KPNA6: variants seen among roughly 807,000 people sequenced by gnomAD.
KPNA6 encodes karyopherin subunit alpha 6, also known as importin subunit alpha-7.
KPNA6 carries 9 observed loss-of-function variants against 72.0 expected under a neutral mutation model. That is an observed-to-expected ratio of 0.13 (90% CI 0.08 to 0.22). KPNA6 has a LOEUF of 0.22. Among genes scored for constraint, KPNA6 ranks in the 10% least tolerant of loss-of-function variants. The pLI is 1.00. For missense variants in KPNA6, 374 were observed against 655.7 expected (o/e 0.57, Z 4.69); for synonymous variants, 219 against 242.1 (o/e 0.90, Z 0.89).
chr1:32,147,860 A>C (rs1212507593), intron 1 of KPNA6, among the ~76,000 whole-genome samples: 1 of 149,214 alleles, frequency 6.7e-6, no homozygotes, highest in Non-Finnish European at 1.5e-5. Context: ...GGGTTTTGCC[A>C]TGTTGCCCAG....
At position 32,172,341 on chromosome 1, in the gene KPNA6, C is replaced by G. The variant is rs1166524641; in HGVS notation, c.*1447C>G. On this transcript the variant is annotated 3_prime_UTR_variant, in exon 14 of 14. Transcript: ENST00000373625. ...TGGCCTCAGGGCCTGGTGAAGTCTG[C>G]TACTCTGTCCTTACTGCTGAACATC... The G allele has an allele frequency of 2.0e-5, 3 of 152,156 alleles. No individual in the cohort carries two copies. Among genetic ancestry groups the G allele is most frequent in the Non-Finnish European group, 4.4e-5 (3 of 68,072 alleles). 9.4% of individuals were successfully genotyped at this position (152,156 alleles called of 1,614,324 possible).
intron 1 of KPNA6, among the ~76,000 whole-genome samples, chr1:32,132,537 G>T (rs1337560980): frequency 6.6e-6 from 1 of 152,166 alleles, no homozygotes; most frequent in Non-Finnish European, 1.5e-5. Flanking sequence ...TGATCTGCCT[G>T]CCTCAACCTC....
intron 1 of KPNA6, among the ~76,000 whole-genome samples, chr1:32,121,172 G>A (rs993584912): frequency 3.9e-5 from 6 of 152,236 alleles, no homozygotes; most frequent in Admixed American, 6.6e-5. Context: ...GCTCCTGGCC[G>A]TACCTAGGAG....
chr1:32,141,084 A>AC (rs1053346732), intron 1 of KPNA6, among the ~76,000 whole-genome samples: 41 of 152,194 alleles, frequency 2.7e-4, no homozygotes, highest in African/African-American at 9.4e-4. Context: ...CCATACATGT[A>AC]CTTCAGGTTT....
intron 1 of KPNA6, among the ~76,000 whole-genome samples, chr1:32,108,493 A>G (rs986257375): frequency 1.3e-5 from 2 of 152,226 alleles, no homozygotes; most frequent in African/African-American, 4.8e-5. Context: ...GGCGGCGCTA[A>G]GGTAGCTTTC....
chr1:32,122,274 C>CA (rs1447363332), intron 1 of KPNA6, among the ~76,000 whole-genome samples: 2 of 138,202 alleles, frequency 1.4e-5, no homozygotes, highest in Non-Finnish European at 3.1e-5. Context: ...GATTTTGTCT[C>CA]AAAAAACAAA....
intron 1 of KPNA6, among the ~76,000 whole-genome samples, chr1:32,139,315 T>C (rs1641797802): frequency 6.6e-5 from 10 of 152,090 alleles, no homozygotes; most frequent in Admixed American, 6.6e-4. Context: ...GTTAGGGTAA[T>C]GGGGAAGGAC....
At chr1:32,129,414 A>G (rs763712565) in intron 1 of KPNA6, among the ~76,000 whole-genome samples, 11 of 151,818 alleles carry the variant, frequency 7.2e-5, no homozygotes, top group Non-Finnish European at 1.5e-4. Context: ...AATCTGTTTG[A>G]TTCAAATGCG....
intron 1 of KPNA6, among the ~76,000 whole-genome samples, chr1:32,119,038 T>A (rs1477540462): frequency 1.5e-4 from 17 of 115,504 alleles, no homozygotes; most frequent in East Asian, 4.9e-4. Context: ...ATATATTTTT[T>A]TTTTTTTTTT....
At chr1:32,138,292 C>T (rs1285204582) in intron 1 of KPNA6, among the ~76,000 whole-genome samples, 4 of 151,850 alleles carry the variant, frequency 2.6e-5, no homozygotes, top group Admixed American at 6.6e-5. Flanking sequence ...TGACTGTCAA[C>T]CCAGCACTTT....
At chr1:32,165,515 C>T (rs1295241211) in intron 10 of KPNA6, among the ~76,000 whole-genome samples, 1 of 151,548 alleles carries the variant, frequency 6.6e-6, no homozygotes, top group Non-Finnish European at 1.5e-5. Context: ...TGGGAAGACC[C>T]TGTCTCTACA....
At chr1:32,123,283 T>C (rs1475166957) in intron 1 of KPNA6, among the ~76,000 whole-genome samples, 1 of 152,206 alleles carries the variant, frequency 6.6e-6, no homozygotes, top group Non-Finnish European at 1.5e-5. Flanking sequence ...TTTTTTTTAA[T>C]CACCTTCCTA....
chr1:32,118,437 T>C (rs753119496), intron 1 of KPNA6, among the ~76,000 whole-genome samples: 1 of 152,058 alleles, frequency 6.6e-6, no homozygotes, highest in African/African-American at 2.4e-5. Flanking sequence ...TACAGTTGTT[T>C]TATTCCATGT....
intron 2 of KPNA6, among the ~76,000 whole-genome samples, chr1:32,155,696 GATT>G (rs1190155937): frequency 1.5e-4 from 22 of 149,346 alleles, no homozygotes; most frequent in South Asian, 4.2e-4. Flanking sequence ...TCAGTCACCT[GATT>G]ATTATTATTT....
intron 1 of KPNA6, among the ~76,000 whole-genome samples, chr1:32,150,616 G>A (rs547011704): frequency 4.1e-4 from 62 of 151,736 alleles, no homozygotes; most frequent in African/African-American, 1.4e-3. Context: ...TGCTTAGCAT[G>A]TATAGTACTT....
chr1:32,160,619 T>C lies in KPNA6; in HGVS notation c.563T>C (p.Val188Ala). 6.2e-7 allele frequency: 1 copy of C among 1,613,736 alleles called. No homozygotes were observed. Among genetic ancestry groups the C allele is most frequent in the Non-Finnish European group, 8.5e-7 (1 of 1,179,648 alleles). Residue 188 changes from valine to alanine, a missense_variant, in exon 7 of 14, where the codon GTC (valine) becomes GCC (alanine). Val to Ala is a moderately conservative substitution (Grantham distance 64, BLOSUM62 0). Transcript: ENST00000373625. The stretch of plus-strand genomic sequence containing the variant: ...GTTTCATTATCCCCTTTTCAGGCAG[T>C]CTGGGCACTGGGAAACATAGCTGGA... ...SDFEDVQEQA[V>A]WALGNIAGDS...
At chr1:32,112,551 G>C (rs1382179943) in intron 1 of KPNA6, among the ~76,000 whole-genome samples, 1 of 152,100 alleles carries the variant, frequency 6.6e-6, no homozygotes, top group East Asian at 1.9e-4. Context: ...GGAGTGCAAT[G>C]GCGTGATCTC....
intron 2 of KPNA6, among the ~76,000 whole-genome samples, chr1:32,155,110 C>CAAAAAA (rs144040035): frequency 5.9e-4 from 32 of 54,220 alleles, no homozygotes; most frequent in East Asian, 1.8e-3. Flanking sequence ...AACTCCATCT[C>CAAAAAA]AAAAAAAAAA....
At position 32,165,859 on chromosome 1, in the gene KPNA6, G is replaced by A. The variant is rs142168147; in HGVS notation, c.991-246G>A. ...CTAAAAATAGAAAAATTTTCCGGGC[G>A]TGGTGGTAGGCGTCTGTAATCCAAG... is the stretch of plus-strand genomic sequence containing the variant. On this transcript the variant is annotated intron_variant, in intron 10 of 13. Coordinates refer to ENST00000373625, the MANE Select transcript of KPNA6 (RefSeq NM_012316.5). 2.2e-3 allele frequency among the ~76,000 whole-genome samples: 333 copies of A among 151,926 alleles called. 1 individual carries two copies. The highest frequency in any genetic ancestry group is 7.5e-3 in the African/African-American group (309 of 41,466).
Sources: gnomAD v4.1 joint callset for allele counts (sites outside exome capture counted in the v4.1 genomes callset) on GRCh38, gnomAD v4.1.1 for gene constraint, MANE v1.5 for transcripts, NCBI Gene and HGNC (gene_info 2026-07-23, HGNC 2026-07-21) for gene names.